The following PIK3R1 variants were observed in gnomAD, a reference collection of about 807,000 sequenced individuals.
PIK3R1 encodes the protein phosphatidylinositol 3-kinase regulatory subunit alpha.
PIK3R1 carries 29 observed loss-of-function variants against 98.0 expected under a neutral mutation model. The observed-to-expected ratio is 0.30, with a 90% CI of 0.22 to 0.40. The LOEUF is 0.40. Ranked by LOEUF, PIK3R1 falls within the 10% of genes least tolerant of loss-of-function variation. The pLI is 1.00. For missense variants in PIK3R1, 596 were observed against 872.7 expected (o/e 0.68, Z 3.99); for synonymous variants, 282 against 311.8 (o/e 0.90, Z 1.01).
At chr5:68,272,656 G>A (rs1281598855) in intron 2 of PIK3R1, among the ~76,000 whole-genome samples, 3 of 152,060 alleles carry the variant, frequency 2.0e-5, no homozygotes, top group Admixed American at 6.6e-5. Context: ...TGGTTAAAAC[G>A]CATGCAAAAA....
chr5:68,230,861 A>G (rs191320392), intron 2 of PIK3R1, among the ~76,000 whole-genome samples: 69 of 152,248 alleles, frequency 4.5e-4, no homozygotes, highest in Non-Finnish European at 9.1e-4. Context: ...TGTTCTTCGG[A>G]GAGAACCTCT....
intron 1 of PIK3R1, among the ~76,000 whole-genome samples, chr5:68,225,663 T>G (rs1744246245): frequency 6.6e-6 from 1 of 152,216 alleles, no homozygotes; most frequent in South Asian, 2.1e-4. Flanking sequence ...GTGGTTAGAT[T>G]GATATTCCTG....
chr5:68,288,426 C>T, intron 7 of PIK3R1: 1 of 1,245,096 alleles, frequency 8.0e-7, no homozygotes, highest in Non-Finnish European at 1.0e-6. Context: ...GATACAGTAG[C>T]GAAATCCAGT....
At chr5:68,274,633 G>A (rs751241941) in intron 4 of PIK3R1, among the ~76,000 whole-genome samples, 5 of 152,174 alleles carry the variant, frequency 3.3e-5, no homozygotes, top group Admixed American at 2.0e-4. Flanking sequence ...TATTCCCACC[G>A]GGGCTTATTT....
intron 1 of PIK3R1, among the ~76,000 whole-genome samples, chr5:68,216,274 A>T (rs994870201): frequency 1.3e-5 from 2 of 151,916 alleles, no homozygotes; most frequent in Non-Finnish European, 2.9e-5. Flanking sequence ...GCTTCCTCCC[A>T]CCCTCCGTCA....
chr5:68,221,082 G>A (rs1167177080), intron 1 of PIK3R1, among the ~76,000 whole-genome samples: 3 of 152,170 alleles, frequency 2.0e-5, no homozygotes, highest in Admixed American at 6.5e-5. Context: ...CTCGAGTTTG[G>A]CCCTGTCTTG....
chr5:68,216,123 C>T (rs567776444), intron 1 of PIK3R1, among the ~76,000 whole-genome samples, 174 bp downstream of exon 1: 1 of 152,076 alleles, frequency 6.6e-6, no homozygotes, highest in South Asian at 2.1e-4. Flanking sequence ...CATCTCCTGG[C>T]CGCCGGGCAG....
chr5:68,274,962 G>C (rs1275709473), intron 4 of PIK3R1, among the ~76,000 whole-genome samples: 1 of 152,186 alleles, frequency 6.6e-6, no homozygotes, highest in Non-Finnish European at 1.5e-5. Flanking sequence ...AGGTATAATT[G>C]TACAAAGAAT....
At chr5:68,289,167 T>G (rs1747243988) in intron 7 of PIK3R1, among the ~76,000 whole-genome samples, 1 of 152,180 alleles carries the variant, frequency 6.6e-6, no homozygotes, top group Non-Finnish European at 1.5e-5. Flanking sequence ...AGAACTTGTC[T>G]CCTTGCTTCG....
At chr5:68,281,737 TA>T (rs1466757005) in intron 7 of PIK3R1, among the ~76,000 whole-genome samples, 4 of 152,230 alleles carry the variant, frequency 2.6e-5, no homozygotes, top group African/African-American at 7.2e-5. Context: ...GTGTTGCTTG[TA>T]GTCTTAATTT....
At chr5:68,282,928 T>C (rs1489941431) in intron 7 of PIK3R1, among the ~76,000 whole-genome samples, 1 of 152,236 alleles carries the variant, frequency 6.6e-6, no homozygotes, top group Non-Finnish European at 1.5e-5. Context: ...ATTAAATGGC[T>C]GTTTTAGTGT....
intron 7 of PIK3R1, chr5:68,291,628 A>G (rs868628488): frequency 1.3e-5 from 2 of 152,412 alleles, no homozygotes; most frequent in African/African-American, 2.4e-5. Flanking sequence ...CAGACCTAGT[A>G]TATAGAGCAC....
intron 2 of PIK3R1, among the ~76,000 whole-genome samples, chr5:68,263,813 C>G (rs139474529): frequency 3.3e-5 from 5 of 152,246 alleles, no homozygotes; most frequent in African/African-American, 7.2e-5. Context: ...TCTTGCCTTT[C>G]TTGCCTTTAT....
Position 68,293,819 on chromosome 5 carries a change from T to C in PIK3R1, c.1410T>C (p.Tyr470=). The C allele has an allele frequency of 1.3e-6, 2 of 1,574,076 alleles. No homozygotes were observed. Among genetic ancestry groups the C allele is most frequent in the African/African-American group, 1.4e-5 (1 of 73,134 alleles). The change falls in exon 11 of 16, where the codon TAT becomes TAC. Residue 470 remains tyrosine (Y), a synonymous_variant. Coordinates refer to ENST00000521381, the MANE Select transcript of PIK3R1 (RefSeq NM_181523.3). The stretch of plus-strand genomic sequence containing the variant: ...AATATGATAGATTATATGAAGAATA[T>C]ACCCGCACATCCCAGGTGAGTTTTC... ...SREYDRLYEE[Y]TRTSQEIQMK...
chr5:68,297,260 T>C, intron 15 of PIK3R1, 152 bp from the exon 16 acceptor site: 1 of 583,410 alleles, frequency 1.7e-6, no homozygotes, highest in Non-Finnish European at 3.0e-6. Context: ...CTGGGTTACC[T>C]ACCCAAGGCA....
At chr5:68,259,119 T>TC (rs1745639455) in intron 2 of PIK3R1, among the ~76,000 whole-genome samples, 1 of 152,136 alleles carries the variant, frequency 6.6e-6, no homozygotes, top group Admixed American at 6.5e-5. Context: ...AGCCACATGG[T>TC]CAAAGCCACA....
At chr5:68,218,709 T>C (rs762275351) in intron 1 of PIK3R1, among the ~76,000 whole-genome samples, 1 of 152,214 alleles carries the variant, frequency 6.6e-6, no homozygotes, top group Non-Finnish European at 1.5e-5. Context: ...CAAAAGATAT[T>C]GTATGTTTCA....
chr5:68,279,628 A>G lies in PIK3R1; in HGVS notation c.529A>G (p.Ile177Val), dbSNP rs1746737409. The change falls in exon 5 of 16, where the codon ATC becomes GTC. Residue 177 changes from isoleucine to valine, a missense_variant. Transcript: ENST00000521381. ...TACACCCTCCGTGGACTTGGAAATG[A>G]TCGATGTGCACGTTTTGGCTGACGC... ...CDTPSVDLEM[I>V]DVHVLADAFK... is the part of the protein sequence containing the mutation. 1 of 1,613,770 alleles carries G rather than the reference A, an allele frequency of 6.2e-7. No individual in the cohort carries two copies. The highest frequency in any genetic ancestry group is 8.5e-7 in the Non-Finnish European group (1 of 1,179,874).
chr5:68,252,966 C>G (rs1184687222), intron 2 of PIK3R1, among the ~76,000 whole-genome samples: 1 of 152,134 alleles, frequency 6.6e-6, no homozygotes, highest in Non-Finnish European at 1.5e-5. Flanking sequence ...CCAGATGGCA[C>G]CTGACACAGT....
Sources: allele counts gnomAD v4.1 joint callset (sites outside exome capture counted in the v4.1 genomes callset), GRCh38; gene constraint gnomAD v4.1.1; transcripts MANE v1.5; gene names NCBI Gene and HGNC (gene_info 2026-07-23, HGNC 2026-07-21).